The following CWC22 variants were observed in gnomAD, a reference collection of about 807,000 sequenced individuals.
CWC22 encodes CWC22 spliceosome associated protein.
A neutral mutation model predicts 117.2 loss-of-function variants in CWC22; 53 were observed. The observed-to-expected ratio is 0.45, with a 90% CI of 0.36 to 0.57. The LOEUF is 0.57. Among genes scored for constraint, CWC22 ranks in the 20% least tolerant of loss-of-function variants. The probability of loss-of-function intolerance (pLI) is 0.00; values close to 1 mark genes in which losing one functional copy is unlikely to be tolerated. For synonymous variants in CWC22, 360 were observed against 355.6 expected, an observed-to-expected ratio of 1.01 and a Z score of -0.14; for missense variants, 980 against 1,068.8, an observed-to-expected ratio of 0.92 and a Z score of 1.16.
chr2:179,958,843 A>G (rs572902005), intron 14 of CWC22, among the ~76,000 whole-genome samples, 179 bp downstream of exon 14: 62 of 152,348 alleles, frequency 4.1e-4, no homozygotes, highest in African/African-American at 1.5e-3. Flanking sequence ...CACTGGAGTG[A>G]GCAATATATC....
At chr2:179,971,097 A>C in intron 8 of CWC22, 21 bp from the exon 9 acceptor site, 3 of 1,464,950 alleles carry the variant, frequency 2.0e-6, no homozygotes, top group Non-Finnish European at 2.7e-6. Context: ...ATACATATAC[A>C]AGGAAGAAAC....
chr2:179,969,452 CCTTCTA>C (rs1686975656), intron 11 of CWC22, among the ~76,000 whole-genome samples: 1 of 152,186 alleles, frequency 6.6e-6, no homozygotes, highest in Non-Finnish European at 1.5e-5. Flanking sequence ...TTCATTTCAA[CCTTCTA>C]CTTCTAAGCA....
At chr2:180,000,863 T>A (rs548961015) in intron 1 of CWC22, among the ~76,000 whole-genome samples, 1 of 152,192 alleles carries the variant, frequency 6.6e-6, no homozygotes, top group East Asian at 1.9e-4. Flanking sequence ...GACACCATTA[T>A]CTATACTGAA....
At chr2:179,965,487 C>T (rs923263971) in intron 12 of CWC22, among the ~76,000 whole-genome samples, 1 of 152,152 alleles carries the variant, frequency 6.6e-6, no homozygotes, top group Non-Finnish European at 1.5e-5. Context: ...AGCAAATATG[C>T]AGTCACTCTC....
At chr2:179,956,784 CTT>C (rs201582465) in intron 14 of CWC22, among the ~76,000 whole-genome samples, 1 of 146,272 alleles carries the variant, frequency 6.8e-6, no homozygotes. Flanking sequence ...TCACTTTCAA[CTT>C]TTTTTTTTTA....
intron 11 of CWC22, among the ~76,000 whole-genome samples, chr2:179,969,227 T>A (rs1480233838): frequency 2.0e-5 from 3 of 152,204 alleles, no homozygotes; most frequent in Admixed American, 2.0e-4. Context: ...TTGGCATTTT[T>A]CAGGGAGACT....
intron 7 of CWC22, 34 bp from the exon 8 acceptor site, chr2:179,973,280 CTA>C (rs756054870): frequency 5.3e-6 from 8 of 1,519,834 alleles, no homozygotes; most frequent in Non-Finnish European, 5.4e-6. Context: ...AACCTATAAA[CTA>C]AACCCAATTT....
At chr2:179,966,020 A>T in intron 11 of CWC22, 38 bp from the exon 12 acceptor site, 1 of 1,489,376 alleles carries the variant, frequency 6.7e-7, no homozygotes, top group Non-Finnish European at 9.3e-7. Flanking sequence ...AAAAATGTGC[A>T]AGTCATATAC....
rs769478170 is a variant in CWC22 at position 179,945,618 on chromosome 2, T to C, written c.2238A>G (p.Glu746=). The change falls in exon 20 of 20, where the codon GAA becomes GAG. Residue 746 remains glutamate (E), a synonymous_variant. Transcript: ENST00000410053. ...CCTGGTGCCCGTGTTCTTGTCTTCTTTCTTTTTGTTTCCTATCATTTGTTT... is the reference window on the plus strand; with the variant it reads ...CCTGGTGCCCGTGTTCTTGTCTTCTCTCTTTTTGTTTCCTATCATTTGTTT... ...NQQTNDRKQK[E]RRQEHGHQET... 5.0e-6 allele frequency: 8 copies of C among 1,613,176 alleles called. No homozygotes were observed. The South Asian group carries it at 6.6e-5, about 13-fold the overall frequency.
chr2:179,990,241 C>T (rs1034158399), intron 2 of CWC22, among the ~76,000 whole-genome samples: 1 of 152,140 alleles, frequency 6.6e-6, no homozygotes, highest in African/African-American at 2.4e-5. Flanking sequence ...CACTCATCAA[C>T]ACAGTGAAAT....
At chr2:179,986,647 G>T in intron 4 of CWC22, 48 bp downstream of exon 4, 1 of 1,087,320 alleles carries the variant, frequency 9.2e-7, no homozygotes, top group Non-Finnish European at 1.4e-6. Context: ...CATAAAGAGA[G>T]TTTAAACAAA....
At chr2:179,959,278 T>A (rs1366571981) in intron 13 of CWC22, among the ~76,000 whole-genome samples, 196 bp from the exon 14 acceptor site, 2 of 152,270 alleles carry the variant, frequency 1.3e-5, no homozygotes, top group Middle Eastern at 3.4e-3. Context: ...GATGAATCCT[T>A]GAATTATGCT....
chr2:179,978,564 A>C (rs556227574), intron 5 of CWC22, among the ~76,000 whole-genome samples: 2 of 152,228 alleles, frequency 1.3e-5, no homozygotes, highest in African/African-American at 4.8e-5. Context: ...TTATGTAAGG[A>C]TATATAAGGA....
intron 5 of CWC22, among the ~76,000 whole-genome samples, chr2:179,979,447 G>T (rs1433630703): frequency 6.6e-6 from 1 of 152,118 alleles, no homozygotes; most frequent in African/African-American, 2.4e-5. Context: ...TAAAAATAAA[G>T]ATTCAATTTT....
intron 13 of CWC22, among the ~76,000 whole-genome samples, chr2:179,962,966 TA>T (rs965175758): frequency 2.6e-5 from 4 of 151,974 alleles, no homozygotes; most frequent in Admixed American, 6.5e-5. Flanking sequence ...TAATAATGTT[TA>T]AAAAAAATAA....
chr2:179,996,026 C>A (rs1030508870), intron 1 of CWC22, among the ~76,000 whole-genome samples: 1 of 152,248 alleles, frequency 6.6e-6, no homozygotes, highest in Admixed American at 6.5e-5. Flanking sequence ...CAGATTCCTG[C>A]CAAGAACTGA....
chr2:179,954,884 C>T, intron 15 of CWC22, 73 bp downstream of exon 15: 2 of 922,422 alleles, frequency 2.2e-6, no homozygotes, highest in East Asian at 2.6e-5. Context: ...TAAATGAGAC[C>T]AGACCATAAA....
At chr2:179,975,162 T>A (rs1462203292) in intron 6 of CWC22, among the ~76,000 whole-genome samples, 2 of 152,208 alleles carry the variant, frequency 1.3e-5, no homozygotes, top group Non-Finnish European at 2.9e-5. Flanking sequence ...TTTCTGACCC[T>A]TTTAAATATC....
At chr2:179,964,652 C>T (rs1230239554) in intron 12 of CWC22, 24 bp from the exon 13 acceptor site, 2 of 1,225,698 alleles carry the variant, frequency 1.6e-6, no homozygotes, top group Non-Finnish European at 2.3e-6. Flanking sequence ...AACAAAATTA[C>T]ACAACTGCAA....
Sources: allele counts gnomAD v4.1 joint callset (sites outside exome capture counted in the v4.1 genomes callset), GRCh38; gene constraint gnomAD v4.1.1; transcripts MANE v1.5; gene names NCBI Gene and HGNC (gene_info 2026-07-23, HGNC 2026-07-21).